The following INSL6 variants were observed in gnomAD, a reference collection of about 807,000 sequenced individuals.
INSL6 encodes the protein insulin-like peptide INSL6.
A neutral mutation model predicts 9.4 loss-of-function variants in INSL6; 16 were observed. The observed-to-expected ratio is 1.70, with a 90% confidence interval of 1.15 to 2.59. The LOEUF (loss-of-function observed/expected upper bound fraction) is 2.59. Among genes scored for constraint, INSL6 ranks in the 30% most tolerant of loss-of-function variants. The probability of loss-of-function intolerance (pLI) is 0.00; values close to 1 mark genes in which losing one functional copy is unlikely to be tolerated. For missense variants in INSL6, 391 were observed against 257.3 expected (o/e 1.52, Z -3.56); for synonymous variants, 154 against 96.9 (o/e 1.59, Z -3.46).
At chr9:5,139,755 C>T (rs573591427) in intron 2 of INSL6, among the ~76,000 whole-genome samples, 3 of 152,246 alleles carry the variant, frequency 2.0e-5, no homozygotes, top group African/African-American at 4.8e-5. Context: ...CAGGCTAGAG[C>T]CCAGCTCTTC....
At chr9:5,114,184 G>T in the INSL6 span, 8 of 448,246 alleles carry the variant, frequency 1.8e-5, no homozygotes, top group South Asian at 3.9e-5. Flanking sequence ...AACCCGCAAG[G>T]GGTGAGCACC....
At chr9:5,040,046 T>A in the INSL6 span, among the ~76,000 whole-genome samples, 1 of 152,206 alleles carries the variant, frequency 6.6e-6, no homozygotes, top group East Asian at 1.9e-4. Context: ...TTATACTTCC[T>A]AATTACAAAA....
At chr9:5,017,571 G>T in the INSL6 span, among the ~76,000 whole-genome samples, 1 of 152,006 alleles carries the variant, frequency 6.6e-6, no homozygotes. Flanking sequence ...GAGGTGTAAT[G>T]TAATGTTGTT....
the INSL6 span, among the ~76,000 whole-genome samples, chr9:5,038,573 A>C: frequency 6.7e-6 from 1 of 149,392 alleles, no homozygotes; most frequent in Admixed American, 6.7e-5. Flanking sequence ...AATGCTTGGG[A>C]CCAGAAGTGT....
At chr9:5,177,762 C>T (rs909585601) in intron 1 of INSL6, among the ~76,000 whole-genome samples, 1 of 152,004 alleles carries the variant, frequency 6.6e-6, no homozygotes, top group African/African-American at 2.4e-5. Context: ...GAAAGGTCAA[C>T]TCAGCTGTTC....
intron 2 of INSL6, among the ~76,000 whole-genome samples, chr9:5,136,377 T>C (rs1041598411): frequency 1.3e-5 from 2 of 152,304 alleles, no homozygotes; most frequent in Non-Finnish European, 2.9e-5. Flanking sequence ...CTCAATAAAA[T>C]ACTGGCAAAC....
chr9:4,999,925 C>A, the INSL6 span, among the ~76,000 whole-genome samples: 1 of 152,094 alleles, frequency 6.6e-6, no homozygotes, highest in Non-Finnish European at 1.5e-5. Flanking sequence ...TTCTTGTTTT[C>A]CTCATATCTT....
At chr9:5,071,423 A>C in the INSL6 span, among the ~76,000 whole-genome samples, 2 of 152,220 alleles carry the variant, frequency 1.3e-5, no homozygotes, top group Non-Finnish European at 2.9e-5. Context: ...AAAGATAGAA[A>C]AGGAATTGAA....
At chr9:5,032,420 G>C in the INSL6 span, among the ~76,000 whole-genome samples, 3 of 152,362 alleles carry the variant, frequency 2.0e-5, no homozygotes, top group African/African-American at 7.2e-5. Context: ...GAATGCAGCT[G>C]GAGATCTGAG....
intron 2 of INSL6, among the ~76,000 whole-genome samples, chr9:5,141,753 T>A (rs1824505941): frequency 6.6e-6 from 1 of 152,240 alleles, no homozygotes; most frequent in African/African-American, 2.4e-5. Flanking sequence ...TTTGCTTTTG[T>A]TGCAATTGGT....
the INSL6 span, among the ~76,000 whole-genome samples, chr9:5,044,816 A>G: frequency 1.3e-5 from 2 of 152,224 alleles, no homozygotes; most frequent in Non-Finnish European, 2.9e-5. Flanking sequence ...GGTTTACAAC[A>G]TGATTCATGT....
chr9:5,185,639 T>C lies in INSL6; in HGVS notation c.-37A>G, dbSNP rs766127438. On this transcript the variant is annotated 5_prime_UTR_variant, in exon 1 of 2. Coordinates refer to ENST00000381641, the MANE Select transcript of INSL6 (RefSeq NM_007179.3). ...CAGGCTAGTCCTCCGCGTTGTGCAATGGCGGTCGGCCGGACCCTGCTCCCT... is the reference window on the plus strand; with the variant it reads ...CAGGCTAGTCCTCCGCGTTGTGCAACGGCGGTCGGCCGGACCCTGCTCCCT... 2 of 1,579,248 alleles carry C rather than the reference T, an allele frequency of 1.3e-6. No homozygotes were observed. The highest frequency in any genetic ancestry group is 8.6e-7 in the Non-Finnish European group (1 of 1,164,816).
At chr9:5,114,467 C>A in the INSL6 span, 1 of 470,334 alleles carries the variant, frequency 2.1e-6, no homozygotes, top group Non-Finnish European at 4.2e-6. Context: ...AGTCCACGAC[C>A]AAGATCAGCG....
At chr9:5,128,907 G>A (rs1299325013) in intron 3 of INSL6, among the ~76,000 whole-genome samples, 1 of 151,964 alleles carries the variant, frequency 6.6e-6, no homozygotes. Context: ...TTAGAATTAT[G>A]TAATTCTGTA....
the INSL6 span, among the ~76,000 whole-genome samples, chr9:5,053,971 C>T: frequency 6.6e-6 from 1 of 151,924 alleles, no homozygotes; most frequent in South Asian, 2.1e-4. Flanking sequence ...AAATAAATTA[C>T]CTTCTTTAGA....
chr9:5,002,424 A>G, the INSL6 span, among the ~76,000 whole-genome samples: 1 of 151,960 alleles, frequency 6.6e-6, no homozygotes, highest in East Asian at 1.9e-4. Flanking sequence ...TAATTTTGCA[A>G]TACTGGGAGA....
chr9:5,016,265 T>C, the INSL6 span, among the ~76,000 whole-genome samples: 250 of 152,294 alleles, frequency 1.6e-3, 1 homozygote, highest in Non-Finnish European at 3.0e-3. Flanking sequence ...ATCTGCATCG[T>C]ATCAGATACC....
At chr9:5,016,834 C>G in the INSL6 span, among the ~76,000 whole-genome samples, 1 of 152,126 alleles carries the variant, frequency 6.6e-6, no homozygotes, top group African/African-American at 2.4e-5. Flanking sequence ...TGGAAGTGAG[C>G]TTGAGAGGCC....
At chr9:5,100,570 T>C in the INSL6 span, 2 of 152,248 alleles carry the variant, frequency 1.3e-5, no homozygotes, top group Admixed American at 1.3e-4. Context: ...ATGCCAGAAT[T>C]AGGAGGACAC....
Sources: gnomAD v4.1 joint callset for allele counts (sites outside exome capture counted in the v4.1 genomes callset) on GRCh38, gnomAD v4.1.1 for gene constraint, MANE v1.5 for transcripts, NCBI Gene and HGNC (gene_info 2026-07-23, HGNC 2026-07-21) for gene names.